The following RAP1GDS1 variants were observed in gnomAD, a reference collection of about 807,000 sequenced individuals.
RAP1GDS1 encodes the protein RAP1, GTP-GDP dissociation stimulator 1.
A neutral mutation model predicts 71.1 loss-of-function variants in RAP1GDS1; 35 were observed. The observed-to-expected ratio is 0.49, with a 90% CI of 0.38 to 0.65. The LOEUF (loss-of-function observed/expected upper bound fraction) is 0.65. RAP1GDS1 is among the 30% of genes least tolerant of loss of function. The pLI, the probability that RAP1GDS1 is intolerant of heterozygous loss-of-function variation, is 0.00. For missense variants in RAP1GDS1, 663 were observed against 706.1 expected (o/e 0.94, Z 0.69); for synonymous variants, 229 against 243.1 (o/e 0.94, Z 0.54).
At chr4:98,262,441 A>G (rs927848916) in intron 1 of RAP1GDS1, among the ~76,000 whole-genome samples, 1 of 152,232 alleles carries the variant, frequency 6.6e-6, no homozygotes, top group Admixed American at 6.5e-5. Flanking sequence ...AATATGTTTT[A>G]TAAAACGATA....
At chr4:98,389,343 A>T (rs1743257419) in intron 5 of RAP1GDS1, among the ~76,000 whole-genome samples, 1 of 151,850 alleles carries the variant, frequency 6.6e-6, no homozygotes, top group South Asian at 2.1e-4. Context: ...CCTTCATTAT[A>T]CAAGTAGAAT....
chr4:98,395,228 T>C (rs1464359027), intron 6 of RAP1GDS1, among the ~76,000 whole-genome samples: 3 of 152,138 alleles, frequency 2.0e-5, no homozygotes, highest in African/African-American at 7.2e-5. Context: ...TTATTTTTAC[T>C]ATATATATAA....
intron 1 of RAP1GDS1, among the ~76,000 whole-genome samples, chr4:98,285,607 A>C (rs1725847713): frequency 1.3e-5 from 2 of 151,930 alleles, no homozygotes; most frequent in African/African-American, 2.4e-5. Context: ...AAATATTAGC[A>C]TCATCACTAG....
chr4:98,363,243 T>A (rs1739004451), intron 4 of RAP1GDS1, among the ~76,000 whole-genome samples: 1 of 151,680 alleles, frequency 6.6e-6, no homozygotes, highest in African/African-American at 2.4e-5. Context: ...ATCCCAGAAT[T>A]TTGGGATGGC....
chr4:98,337,069 A>G (rs1053407208), intron 2 of RAP1GDS1, among the ~76,000 whole-genome samples: 1 of 151,826 alleles, frequency 6.6e-6, no homozygotes, highest in Non-Finnish European at 1.5e-5. Context: ...TAATTTTTGT[A>G]TTTTTAGTAG....
chr4:98,318,223 C>T lies in RAP1GDS1; in HGVS notation c.112+24708C>T, dbSNP rs184355121. Reference sequence around the variant, plus strand: ...TTAGTCTAGCTTAGTCTCTTAATACCTTTCATTTTAACATGGGACCTACAA... The same window carrying T: ...TTAGTCTAGCTTAGTCTCTTAATACTTTTCATTTTAACATGGGACCTACAA... On this transcript the variant is annotated intron_variant, in intron 2 of 14. Transcript: ENST00000408927. Among the ~76,000 whole-genome samples the T allele has an allele frequency of 2.1e-3, 318 of 152,194 alleles. 2 individuals are homozygous for T. Among genetic ancestry groups the T allele is most frequent in the South Asian group, 1.0e-3 (5 of 4,818 alleles).
intron 2 of RAP1GDS1, among the ~76,000 whole-genome samples, chr4:98,326,969 A>G (rs557237136): frequency 6.6e-6 from 1 of 152,194 alleles, no homozygotes. Flanking sequence ...ACGAGGAGAA[A>G]GTTGAGGAGA....
chr4:98,272,062 A>T (rs973630156), intron 1 of RAP1GDS1, among the ~76,000 whole-genome samples: 5 of 152,168 alleles, frequency 3.3e-5, no homozygotes, highest in Non-Finnish European at 5.9e-5. Context: ...CACACTGGGA[A>T]CAGCACCACC....
chr4:98,369,806 G>A (rs188573162), intron 4 of RAP1GDS1, among the ~76,000 whole-genome samples: 5 of 152,300 alleles, frequency 3.3e-5, no homozygotes, highest in Admixed American at 3.3e-4. Context: ...GCACTCATCA[G>A]TTAAACACAC....
chr4:98,295,617 G>A (rs12498745), intron 2 of RAP1GDS1, among the ~76,000 whole-genome samples: 3,129 of 152,140 alleles, frequency 0.021, 113 homozygotes, highest in Admixed American at 0.1. Flanking sequence ...TCTGGAAGAA[G>A]CCAGAGTTTG....
At chr4:98,395,709 C>A (rs1744428997) in intron 6 of RAP1GDS1, among the ~76,000 whole-genome samples, 1 of 152,152 alleles carries the variant, frequency 6.6e-6, no homozygotes, top group Non-Finnish European at 1.5e-5. Context: ...CCAAAGTTAT[C>A]AACCATCCAC....
chr4:98,331,325 G>T (rs1035652447), intron 2 of RAP1GDS1, among the ~76,000 whole-genome samples: 1 of 150,024 alleles, frequency 6.7e-6, no homozygotes, highest in Non-Finnish European at 1.5e-5. Flanking sequence ...ACCGTGGAAA[G>T]CGGGAGACAG....
intron 1 of RAP1GDS1, among the ~76,000 whole-genome samples, chr4:98,287,783 G>A (rs1033373346): frequency 7.0e-6 from 1 of 143,798 alleles, no homozygotes; most frequent in Non-Finnish European, 1.5e-5. Flanking sequence ...TTTTTGCTCA[G>A]ATATTTTTTT....
chr4:98,402,890 A>G (rs1237311404), intron 6 of RAP1GDS1, among the ~76,000 whole-genome samples: 2 of 152,196 alleles, frequency 1.3e-5, no homozygotes, highest in African/African-American at 2.4e-5. Flanking sequence ...AGTGTGTAAG[A>G]TGGACATTTA....
intron 1 of RAP1GDS1, among the ~76,000 whole-genome samples, chr4:98,275,034 G>C (rs573479193): frequency 5.3e-5 from 8 of 151,990 alleles, no homozygotes; most frequent in African/African-American, 1.7e-4. Context: ...GTGTGTGTGT[G>C]TGTGTGTGTG....
chr4:98,421,053 T>C (rs1226105786), intron 11 of RAP1GDS1, among the ~76,000 whole-genome samples: 1 of 152,244 alleles, frequency 6.6e-6, no homozygotes, highest in Non-Finnish European at 1.5e-5. Context: ...AAGTCATTTG[T>C]TGTTGTATTT....
chr4:98,371,122 T>A (rs1014534059), intron 4 of RAP1GDS1, among the ~76,000 whole-genome samples: 1 of 151,338 alleles, frequency 6.6e-6, no homozygotes, highest in African/African-American at 2.4e-5. Context: ...TATCTTTTTT[T>A]TTTTTTTTTT....
At chr4:98,381,379 T>C in intron 5 of RAP1GDS1, among the ~76,000 whole-genome samples, 1 of 151,666 alleles carries the variant, frequency 6.6e-6, no homozygotes, top group Non-Finnish European at 1.5e-5. Flanking sequence ...GAAGTGATTC[T>C]TTTTCTTCTA....
chr4:98,346,274 CAA>C (rs1378089198), intron 3 of RAP1GDS1, among the ~76,000 whole-genome samples: 6 of 152,146 alleles, frequency 3.9e-5, no homozygotes, highest in African/African-American at 1.2e-4. Context: ...CTCTTAACAA[CAA>C]AAGAGTGAAA....
Sources: allele counts gnomAD v4.1 joint callset (sites outside exome capture counted in the v4.1 genomes callset), GRCh38; gene constraint gnomAD v4.1.1; transcripts MANE v1.5; gene names NCBI Gene and HGNC (gene_info 2026-07-23, HGNC 2026-07-21).